Variants in ZMYND11 observed in about 807,000 individuals in gnomAD.
The protein encoded by ZMYND11 is zinc finger MYND domain-containing protein 11.
ZMYND11 carries 9 observed loss-of-function variants against 84.9 expected under a neutral mutation model. The ratio of observed to expected loss-of-function variants is 0.11; its 90% CI spans 0.06 to 0.18. ZMYND11 has a LOEUF of 0.18. Ranked by LOEUF, ZMYND11 falls within the 10% of genes least tolerant of loss-of-function variation. The pLI is 1.00. For missense variants in ZMYND11, 409 were observed against 761.0 expected, an observed-to-expected ratio of 0.54 and a Z score of 5.44; for synonymous variants, 250 against 244.1, an observed-to-expected ratio of 1.02 and a Z score of -0.23.
At chr10:175,985 G>GT (rs1846529837) in intron 1 of ZMYND11, among the ~76,000 whole-genome samples, 2 of 152,234 alleles carry the variant, frequency 1.3e-5, no homozygotes, top group South Asian at 4.1e-4. Flanking sequence ...ACCCTCAACT[G>GT]TTCTTGTTAA....
intron 2 of ZMYND11, among the ~76,000 whole-genome samples, chr10:184,648 GT>G (rs1937653703): frequency 6.6e-6 from 1 of 152,006 alleles, no homozygotes; most frequent in African/African-American, 2.4e-5. Context: ...GCTTCCTTCT[GT>G]TTTGTCGGCT....
At chr10:171,011 A>G (rs1007351680) in intron 1 of ZMYND11, among the ~76,000 whole-genome samples, 20 of 152,138 alleles carry the variant, frequency 1.3e-4, no homozygotes, top group African/African-American at 4.8e-4. Flanking sequence ...TGAAAAGAAA[A>G]TCAGAATAGC....
chr10:205,145 C>T (rs1317029049), intron 2 of ZMYND11, among the ~76,000 whole-genome samples: 2 of 152,024 alleles, frequency 1.3e-5, no homozygotes, highest in Admixed American at 6.5e-5. Context: ...CAAACTTCTT[C>T]TATTTATTTC....
At chr10:222,027 GGTGACTTATTACA>G (rs1947218241) in intron 4 of ZMYND11, among the ~76,000 whole-genome samples, 1 of 151,954 alleles carries the variant, frequency 6.6e-6, no homozygotes, top group Non-Finnish European at 1.5e-5. Flanking sequence ...AGTGATATGT[GGTGACTTATTACA>G]TATGGCATCG....
intron 4 of ZMYND11, among the ~76,000 whole-genome samples, chr10:231,792 G>T (rs1589135204): frequency 6.6e-6 from 1 of 152,282 alleles, no homozygotes; most frequent in East Asian, 1.9e-4. Context: ...TCTTAAAGGA[G>T]GCAGCCCCAA....
rs558746361 is a variant in ZMYND11, at chr10:140,356, T to C, written c.-20+4797T>C. On this transcript the variant is annotated intron_variant, in intron 1 of 14. Transcript: ENST00000381604. The stretch of plus-strand genomic sequence containing the variant: ...ATGATTTATTGCTTAAGGAAAGATT[T>C]GTGTGTGGGCACCTGCTGTTACTGT... Among the ~76,000 whole-genome samples, 27 of 152,356 alleles carry C rather than the reference T, an allele frequency of 1.8e-4. No homozygotes were observed. In the South Asian group the frequency reaches 5.4e-3, roughly 30 times the overall value.
At chr10:144,595 T>C (rs1178161948) in intron 1 of ZMYND11, among the ~76,000 whole-genome samples, 2 of 150,918 alleles carry the variant, frequency 1.3e-5, no homozygotes, top group Non-Finnish European at 3.0e-5. Flanking sequence ...CAGGAGTAAT[T>C]TAGCATAGTG....
chr10:145,727 C>T (rs374820165), intron 1 of ZMYND11, among the ~76,000 whole-genome samples: 82 of 151,892 alleles, frequency 5.4e-4, no homozygotes, highest in East Asian at 4.4e-3. Context: ...GTCATTTGTC[C>T]GCTTTTTGAT....
At chr10:202,477 A>G (rs1021723099) in intron 2 of ZMYND11, among the ~76,000 whole-genome samples, 1 of 152,160 alleles carries the variant, frequency 6.6e-6, no homozygotes, top group Non-Finnish European at 1.5e-5. Flanking sequence ...TGACACTTCT[A>G]ATATATACTA....
upstream of ZMYND11, among the ~76,000 whole-genome samples, chr10:131,772 C>T (rs1835317402): frequency 6.6e-6 from 1 of 152,058 alleles, no homozygotes; most frequent in African/African-American, 2.4e-5. Context: ...AAGTGTACCT[C>T]CCGCCTTGGC....
At position 195,849 on chromosome 10, in the gene ZMYND11, A is replaced by G. The variant is rs190332583; in HGVS notation, c.117-14040A>G. On this transcript the variant is annotated intron_variant, in intron 2 of 14. Coordinates refer to ENST00000381604, the MANE Select transcript of ZMYND11 (RefSeq NM_001370100.5). ...TTGTCTTGTTCTTCACACTACACAT[A>G]TTTTAAAATAATTTCTTATATGTGT... is the stretch of plus-strand genomic sequence containing the variant. Among the ~76,000 whole-genome samples the G allele has an allele frequency of 2.6e-5, 4 of 152,338 alleles. No individual in the cohort carries two copies. In the East Asian group the frequency reaches 7.7e-4, roughly 29 times the overall value.
intron 14 of ZMYND11, 38 bp downstream of exon 14, chr10:249,126 A>G: frequency 6.2e-7 from 1 of 1,613,294 alleles, no homozygotes; most frequent in Non-Finnish European, 8.5e-7. Flanking sequence ...ATTTCTGAAA[A>G]TGTACCACAG....
chr10:214,841 A>G (rs1157377382), intron 3 of ZMYND11, among the ~76,000 whole-genome samples: 1 of 152,172 alleles, frequency 6.6e-6, no homozygotes, highest in African/African-American at 2.4e-5. Context: ...TCTTGGACAG[A>G]ATTTTACCAT....
chr10:203,248 T>C (rs1943556526), intron 2 of ZMYND11, among the ~76,000 whole-genome samples: 1 of 151,926 alleles, frequency 6.6e-6, no homozygotes, highest in South Asian at 2.1e-4. Context: ...TCCAATAGAA[T>C]TTGCAGACAA....
chr10:252,374 G>T lies in ZMYND11; in HGVS notation c.1713G>T (p.Met571Ile), dbSNP rs1417751361. ...QWCYNCEEEA[M>I]YHCCWNTSYC... ...GCTACAACTGTGAGGAGGAGGCCAT[G>T]TACCACTGCTGCTGGAACACATCCT... Residue 571 changes from methionine to isoleucine, a missense_variant, in exon 15 of 15, where the codon ATG becomes ATT. Physicochemically the swap from Met to Ile is conservative, Grantham distance 10. Around this residue, in one of 7 missense-constraint regions of ZMYND11, gnomAD observed 16 missense variants for 57.7 expected, o/e 0.28. Coordinates refer to ENST00000381604, the MANE Select transcript of ZMYND11 (RefSeq NM_001370100.5). The surrounding 1 kb of genome is among the most constrained non-coding windows in gnomAD (Gnocchi z 4.6). 1 of 1,613,976 alleles carries T rather than the reference G, an allele frequency of 6.2e-7. No homozygotes were observed. The highest frequency in any genetic ancestry group is 1.3e-5 in the African/African-American group (1 of 74,930).
At chr10:163,876 G>C (rs1843440386) in intron 1 of ZMYND11, among the ~76,000 whole-genome samples, 1 of 152,042 alleles carries the variant, frequency 6.6e-6, no homozygotes, top group Admixed American at 6.6e-5. Flanking sequence ...GATGTCAGGT[G>C]GCCAGATGGC....
chr10:217,919 A>G (rs917947405), intron 3 of ZMYND11, among the ~76,000 whole-genome samples: 1 of 152,202 alleles, frequency 6.6e-6, no homozygotes, highest in Non-Finnish European at 1.5e-5. Context: ...ACAGAGACTT[A>G]GATCAATAGG....
chr10:248,274 G>C (rs192473036), intron 12 of ZMYND11, 62 bp from the exon 13 acceptor site: 1 of 1,561,282 alleles, frequency 6.4e-7, no homozygotes, highest in East Asian at 2.2e-5. Flanking sequence ...GAATGGGGTA[G>C]TTCTTGAACT....
chr10:240,174 C>G, intron 8 of ZMYND11, 63 bp downstream of exon 8: 1 of 1,327,750 alleles, frequency 7.5e-7, no homozygotes, highest in Non-Finnish European at 1.0e-6. Flanking sequence ...TTTCAGGATT[C>G]CACTCTTATC....
Sources: allele counts gnomAD v4.1 joint callset (sites outside exome capture counted in the v4.1 genomes callset), GRCh38; gene constraint gnomAD v4.1.1; regional missense constraint gnomAD v4.1.1; non-coding constraint Gnocchi (gnomAD v3.1); transcripts MANE v1.5; gene names NCBI Gene and HGNC (gene_info 2026-07-23, HGNC 2026-07-21).